Variants in POFUT3 observed in about 807,000 individuals in gnomAD.
POFUT3 encodes GDP-fucose protein O-fucosyltransferase 3.
the POFUT3 span, among the ~76,000 whole-genome samples, chr8:33,355,097 A>C: frequency 8.4e-4 from 128 of 152,352 alleles, 1 homozygote; most frequent in South Asian, 8.7e-3. Context: ...CTGCAAACAA[A>C]TCAGGTGAGA....
At chr8:33,463,571 G>T in the POFUT3 span, among the ~76,000 whole-genome samples, 14 of 152,026 alleles carry the variant, frequency 9.2e-5, no homozygotes, top group Non-Finnish European at 1.8e-4. Flanking sequence ...TTGAGACAGG[G>T]TCTTCCTCTG....
chr8:33,355,397 A>C, the POFUT3 span, among the ~76,000 whole-genome samples: 4 of 152,310 alleles, frequency 2.6e-5, no homozygotes, highest in African/African-American at 9.6e-5. Flanking sequence ...TATTGCAAAA[A>C]AAATTGCAGC....
the POFUT3 span, among the ~76,000 whole-genome samples, chr8:33,351,439 C>T: frequency 1.8e-4 from 28 of 152,050 alleles, no homozygotes; most frequent in African/African-American, 5.8e-4. Flanking sequence ...GATGGGGAGT[C>T]GGCGGGGGGC....
the POFUT3 span, among the ~76,000 whole-genome samples, chr8:33,467,272 C>CAAAAA: frequency 2.9e-4 from 21 of 73,418 alleles, no homozygotes; most frequent in South Asian, 1.3e-3. Flanking sequence ...GACTCTGTCT[C>CAAAAA]AAAAAAAAAA....
chr8:33,315,726 CTA>C, the POFUT3 span, among the ~76,000 whole-genome samples: 1 of 152,086 alleles, frequency 6.6e-6, no homozygotes, highest in Non-Finnish European at 1.5e-5. Flanking sequence ...CTCTGAGATT[CTA>C]TGAGACTCCC....
the POFUT3 span, among the ~76,000 whole-genome samples, chr8:33,448,100 G>A: frequency 6.6e-6 from 1 of 152,150 alleles, no homozygotes; most frequent in Admixed American, 6.5e-5. Context: ...AATACTTTGG[G>A]AGGGCGAGGC....
chr8:33,399,664 T>G, the POFUT3 span, among the ~76,000 whole-genome samples: 2 of 151,512 alleles, frequency 1.3e-5, no homozygotes, highest in African/African-American at 4.8e-5. Context: ...ATTTATTTGT[T>G]TTTTTTTTGA....
chr8:33,370,171 A>T, the POFUT3 span, among the ~76,000 whole-genome samples: 1 of 62,010 alleles, frequency 1.6e-5, no homozygotes, highest in South Asian at 9.9e-4. Context: ...ATCTTTACTA[A>T]AAAAAAAAAA....
At chr8:33,436,172 G>A in the POFUT3 span, 1 of 1,236,252 alleles carries the variant, frequency 8.1e-7, no homozygotes, top group Non-Finnish European at 1.1e-6. Context: ...AAGGTCCACG[G>A]TTCCTAAGGG....
the POFUT3 span, among the ~76,000 whole-genome samples, chr8:33,341,162 G>A: frequency 3.9e-5 from 6 of 152,090 alleles, no homozygotes; most frequent in East Asian, 1.9e-4. Flanking sequence ...TTGGCGAGGC[G>A]CGGTGGCTCA....
At chr8:33,316,688 G>GC in the POFUT3 span, among the ~76,000 whole-genome samples, 5 of 151,534 alleles carry the variant, frequency 3.3e-5, no homozygotes, top group African/African-American at 1.2e-4. Context: ...GTTGCAATGA[G>GC]CCAAGATTGG....
At chr8:33,391,367 C>T in the POFUT3 span, among the ~76,000 whole-genome samples, 1 of 152,166 alleles carries the variant, frequency 6.6e-6, no homozygotes, top group Non-Finnish European at 1.5e-5. Flanking sequence ...TTGGCAATGA[C>T]GTACTAACGT....
chr8:33,468,407 A>G, the POFUT3 span, among the ~76,000 whole-genome samples: 1 of 151,964 alleles, frequency 6.6e-6, no homozygotes, highest in African/African-American at 2.4e-5. Flanking sequence ...AACTGGGTTA[A>G]TAAGCTAGAG....
the POFUT3 span, among the ~76,000 whole-genome samples, chr8:33,430,738 C>T: frequency 9.0e-4 from 137 of 152,170 alleles, no homozygotes; most frequent in African/African-American, 2.9e-3. Flanking sequence ...CCTCCCGAGT[C>T]GCTGGGATTA....
chr8:33,424,964 T>C, the POFUT3 span, among the ~76,000 whole-genome samples: 2 of 152,186 alleles, frequency 1.3e-5, no homozygotes, highest in Non-Finnish European at 2.9e-5. Flanking sequence ...CTTGTTCTCA[T>C]GGAACTTACA....
At chr8:33,362,576 T>C in the POFUT3 span, among the ~76,000 whole-genome samples, 1 of 150,398 alleles carries the variant, frequency 6.6e-6, no homozygotes, top group Non-Finnish European at 1.5e-5. Context: ...GAAGAAGATC[T>C]ATCAAGCAAA....
the POFUT3 span, among the ~76,000 whole-genome samples, chr8:33,416,263 G>A: frequency 2.0e-5 from 3 of 152,208 alleles, no homozygotes; most frequent in Admixed American, 6.5e-5. Flanking sequence ...GGATATCCAC[G>A]TAGTAGTCAT....
At chr8:33,340,251 T>C in the POFUT3 span, among the ~76,000 whole-genome samples, 1 of 151,966 alleles carries the variant, frequency 6.6e-6, no homozygotes, top group Non-Finnish European at 1.5e-5. Flanking sequence ...CACACATATA[T>C]ACACACACAT....
chr8:33,399,522 T>C, the POFUT3 span, among the ~76,000 whole-genome samples: 3 of 152,186 alleles, frequency 2.0e-5, no homozygotes, highest in Non-Finnish European at 4.4e-5. Flanking sequence ...TGATTCCTCA[T>C]CTTCCAAGAC....
Sources: allele counts gnomAD v4.1 joint callset (sites outside exome capture counted in the v4.1 genomes callset), GRCh38; gene constraint gnomAD v4.1.1; transcripts MANE v1.5; gene names NCBI Gene and HGNC (gene_info 2026-07-23, HGNC 2026-07-21).